Variants in CEP164 observed in about 807,000 individuals in gnomAD.
CEP164 encodes centrosomal protein 164, also known as centrosomal protein of 164 kDa.
A neutral mutation model predicts 182.7 loss-of-function variants in CEP164; 162 were observed. That is an observed-to-expected ratio of 0.89 (90% CI 0.78 to 1.01). CEP164 has a LOEUF of 1.01. Ranked by LOEUF, CEP164 falls within the 50% of genes least tolerant of loss-of-function variation. The pLI, the probability that CEP164 is intolerant of heterozygous loss-of-function variation, is 0.00. For missense variants in CEP164, 1,735 were observed against 1,790.4 expected, an observed-to-expected ratio of 0.97 and a Z score of 0.56; for synonymous variants, 661 against 690.0, an observed-to-expected ratio of 0.96 and a Z score of 0.66.
At chr11:117,338,026 CCTTAT>C (rs1021920765) in intron 2 of CEP164, among the ~76,000 whole-genome samples, 2 of 151,996 alleles carry the variant, frequency 1.3e-5, no homozygotes, top group Admixed American at 6.6e-5. Context: ...AATTTTTTGC[CCTTAT>C]CTTAGCACTC....
In CEP164 at chr11:117,362,711, C is replaced by T. The variant is rs11828506; in HGVS notation, c.687+173C>T. 0.21 allele frequency among the ~76,000 whole-genome samples: 31,895 copies of T among 151,948 alleles called. 3,443 individuals are homozygous for T. The highest frequency in any genetic ancestry group is 0.25 in the Admixed American group (3,879 of 15,270). On this transcript the variant is annotated intron_variant, in intron 7 of 32. Transcript: ENST00000278935. ...CCTTCACAATGTGTGCACCCAACAC[C>T]ACTATCCATTTCTTTTTTTTTCTGC... is the stretch of plus-strand genomic sequence containing the variant.
At chr11:117,349,509 G>A (rs968997912) in intron 4 of CEP164, among the ~76,000 whole-genome samples, 7 of 151,998 alleles carry the variant, frequency 4.6e-5, no homozygotes, top group Non-Finnish European at 8.8e-5. Flanking sequence ...TTTTCTTAGA[G>A]ATAGGGTATT....
chr11:117,364,700 GT>G lies in CEP164; in HGVS notation c.765+1197del, dbSNP rs567717793. On this transcript the variant is annotated intron_variant, in intron 8 of 32. Coordinates refer to ENST00000278935, the MANE Select transcript of CEP164 (RefSeq NM_014956.5). ...TTTTGTAGAGATGGGGTTTTGCTAT[GT>G]TTCCCAGGCTGGTCTTGAACTCCTG... Among the ~76,000 whole-genome samples the G allele has an allele frequency of 2.8e-3, 432 of 151,970 alleles. 4 individuals carry two copies. The highest frequency in any genetic ancestry group is 9.0e-3 in the African/African-American group (373 of 41,472).
chr11:117,353,932 A>T (rs1417559082), intron 5 of CEP164, among the ~76,000 whole-genome samples: 2 of 151,990 alleles, frequency 1.3e-5, no homozygotes, highest in Non-Finnish European at 2.9e-5. Flanking sequence ...GTCATTTGTT[A>T]TGCTTCTCTT....
At chr11:117,327,379 G>T (rs2035513809), upstream of CEP164, among the ~76,000 whole-genome samples, 1 of 151,448 alleles carries the variant, frequency 6.6e-6, no homozygotes, top group African/African-American at 2.4e-5. Flanking sequence ...TAGATAATTA[G>T]ATAATTCACA....
In CEP164 at chr11:117,408,877, C is replaced by T. The variant is rs1255822295; in HGVS notation, c.3610-13C>T. The T allele has an allele frequency of 1.9e-6, 3 of 1,613,976 alleles. No homozygotes were observed. Among genetic ancestry groups the T allele is most frequent in the Non-Finnish European group, 2.5e-6 (3 of 1,180,008 alleles). On this transcript the variant is annotated splice_polypyrimidine_tract_variant and intron_variant, in intron 28 of 32. Transcript: ENST00000278935. Reference sequence around the variant, plus strand: ...GGGAGAGGTGGGTCATAACTGCTGACTTTACCCCACAGGCCTCAGATGAGG... The same window carrying T: ...GGGAGAGGTGGGTCATAACTGCTGATTTTACCCCACAGGCCTCAGATGAGG...
chr11:117,330,146 C>T (rs771867888), intron 1 of CEP164, among the ~76,000 whole-genome samples: 1 of 152,138 alleles, frequency 6.6e-6, no homozygotes, highest in Non-Finnish European at 1.5e-5. Context: ...CAATTGTCCT[C>T]TGTGAGGCTT....
Position 117,381,689 on chromosome 11 carries a change from C to T in CEP164, c.1410-12C>T, listed in dbSNP as rs779681613. The T allele has an allele frequency of 2.1e-5, 34 of 1,603,402 alleles. No homozygotes were observed. Among genetic ancestry groups the T allele is most frequent in the African/African-American group, 6.7e-5 (5 of 74,718 alleles). On this transcript the variant is annotated splice_polypyrimidine_tract_variant and intron_variant, in intron 12 of 32. Coordinates refer to ENST00000278935, the MANE Select transcript of CEP164 (RefSeq NM_014956.5). ...AGGGGCCTGACTCTGCTGCTCTGCC[C>T]GGCCTGACCAGGTTATCTCCTCCAC...
chr11:117,392,608 T>C lies in CEP164; in HGVS notation c.2474T>C (p.Val825Ala). 6.2e-7 allele frequency: 1 copy of C among 1,614,074 alleles called. No homozygotes were observed. Among genetic ancestry groups the C allele is most frequent in the South Asian group, 1.1e-5 (1 of 91,078 alleles). ...EHRVHQKSYH[V>A]AGYEHELSSL... is the part of the protein sequence containing the mutation. ...AGAGTTCACCAGAAGTCTTATCACG[T>C]GGCTGGGTATGAGCACGAGGTGAGT... Residue 825 changes from valine to alanine, a missense_variant, in exon 19 of 33, where the codon GTG (valine) becomes GCG (alanine). Coordinates refer to ENST00000278935, the MANE Select transcript of CEP164 (RefSeq NM_014956.5).
chr11:117,359,476 C>G (rs2040689296), intron 5 of CEP164: 1 of 985,316 alleles, frequency 1.0e-6, no homozygotes, highest in Non-Finnish European at 1.2e-6. Flanking sequence ...TGTCTCTCAC[C>G]TTACTTTCCT....
chr11:117,410,485 T>C (rs780102815), intron 30 of CEP164: 5 of 270,814 alleles, frequency 1.8e-5, no homozygotes, highest in Non-Finnish European at 3.5e-5. Flanking sequence ...CCCATGTCTC[T>C]GTGACTCCAG....
chr11:117,372,310 T>C (rs1216562472), intron 9 of CEP164, among the ~76,000 whole-genome samples: 1 of 152,116 alleles, frequency 6.6e-6, no homozygotes, highest in African/African-American at 2.4e-5. Flanking sequence ...GGTTTCGCCA[T>C]GTTGCCCAGG....
chr11:117,370,152 C>A (rs558603938), intron 8 of CEP164, among the ~76,000 whole-genome samples: 9 of 152,332 alleles, frequency 5.9e-5, no homozygotes, highest in African/African-American at 1.7e-4. Context: ...TTATAGACAT[C>A]TCCCTTAAAT....
intron 4 of CEP164, among the ~76,000 whole-genome samples, chr11:117,346,423 T>G (rs2038901524): frequency 6.6e-6 from 1 of 151,806 alleles, no homozygotes; most frequent in African/African-American, 2.4e-5. Context: ...CACGCCGGGC[T>G]AATTTTTTTA....
chr11:117,351,728 C>T, intron 4 of CEP164, 62 bp from the exon 5 acceptor site: 16 of 1,332,758 alleles, frequency 1.2e-5, no homozygotes, highest in Admixed American at 4.5e-5. Flanking sequence ...TTTTTCCCCT[C>T]TTTTTTTTTT....
chr11:117,407,915 T>C lies in CEP164; in HGVS notation c.3502-10T>C. 7.0e-6 allele frequency: 11 copies of C among 1,575,708 alleles called. No individual in the cohort carries two copies. The highest frequency in any genetic ancestry group is 9.5e-6 in the Non-Finnish European group (11 of 1,159,688). ...TAGTCATTTCTCCTCTGTTTTCTCC[T>C]TGGCTGCAGGAGACCAGGCACCTGG... On this transcript the variant is annotated splice_polypyrimidine_tract_variant and intron_variant, in intron 27 of 32. Coordinates refer to ENST00000278935, the MANE Select transcript of CEP164 (RefSeq NM_014956.5).
At chr11:117,349,198 T>A (rs1419483734) in intron 4 of CEP164, among the ~76,000 whole-genome samples, 2 of 152,084 alleles carry the variant, frequency 1.3e-5, no homozygotes, top group Non-Finnish European at 2.9e-5. Flanking sequence ...AATTTTTGTA[T>A]TTTTAGTAGA....
At chr11:117,393,886 G>A (rs2045064391) in intron 20 of CEP164, among the ~76,000 whole-genome samples, 1 of 152,210 alleles carries the variant, frequency 6.6e-6, no homozygotes, top group African/African-American at 2.4e-5. Context: ...GCCCACAGCT[G>A]GGACCCTGCA....
chr11:117,367,234 T>C (rs970160583), intron 8 of CEP164, among the ~76,000 whole-genome samples: 1 of 152,220 alleles, frequency 6.6e-6, no homozygotes, highest in Non-Finnish European at 1.5e-5. Flanking sequence ...GACACTCAGC[T>C]CATGTACATC....
Sources: gnomAD v4.1 joint callset for allele counts (sites outside exome capture counted in the v4.1 genomes callset) on GRCh38, gnomAD v4.1.1 for gene constraint, MANE v1.5 for transcripts, NCBI Gene and HGNC (gene_info 2026-07-23, HGNC 2026-07-21) for gene names.